PAK3: variants seen among roughly 807,000 people sequenced by gnomAD.
The protein encoded by PAK3 is serine/threonine-protein kinase PAK 3.
PAK3 carries 4 observed loss-of-function variants against 41.0 expected under a neutral mutation model. That is an observed-to-expected ratio of 0.10 (90% CI 0.05 to 0.22). PAK3 has a LOEUF of 0.22. Ranked by LOEUF, PAK3 falls within the 10% of genes least tolerant of loss-of-function variation. The pLI is 1.00. For synonymous variants in PAK3, 146 were observed against 139.6 expected, an observed-to-expected ratio of 1.05 and a Z score of -0.32; for missense variants, 205 against 409.9, an observed-to-expected ratio of 0.50 and a Z score of 4.32.
chrX:111,011,638 A>G (rs2092012658), intron 1 of PAK3, among the ~76,000 whole-genome samples: 1 of 112,397 alleles, frequency 8.9e-6, no homozygotes, highest in South Asian at 3.7e-4. Flanking sequence ...CATTGCCCTC[A>G]GTGAAACAAT....
chrX:111,219,590 G>A (rs964804148), intron 17 of PAK3, among the ~76,000 whole-genome samples: 1 of 111,263 alleles, frequency 9.0e-6, no homozygotes, highest in African/African-American at 3.3e-5. Flanking sequence ...AGAAAATCCC[G>A]TAGGAAATAT....
chrX:111,091,515 G>T (rs377390537), upstream of PAK3, among the ~76,000 whole-genome samples: 90 of 111,975 alleles, frequency 8.0e-4, no homozygotes, highest in African/African-American at 2.9e-3. Context: ...ATAGAACCTG[G>T]GTTTCCTGAT....
At chrX:110,958,941 T>G (rs1569496663) in intron 1 of PAK3, among the ~76,000 whole-genome samples, 1 of 112,212 alleles carries the variant, frequency 8.9e-6, no homozygotes, top group Non-Finnish European at 1.9e-5. Flanking sequence ...TGGATTATGC[T>G]TTTTTAAAAA....
At chrX:111,092,480 T>C (rs755196752), upstream of PAK3, among the ~76,000 whole-genome samples, 15 of 111,902 alleles carry the variant, frequency 1.3e-4, no homozygotes, top group African/African-American at 2.9e-4. Flanking sequence ...GGAGTATTAC[T>C]ATTTCAGTAC....
chrX:111,152,453 T>A lies in PAK3; in HGVS notation c.468+6T>A. 1 of 1,123,159 alleles carries A rather than the reference T, an allele frequency of 8.9e-7. No individual in the cohort carries two copies. Among genetic ancestry groups the A allele is most frequent in the Non-Finnish European group, 1.2e-6 (1 of 815,445 alleles). The allele number at this position is 1,123,159 out of a possible 1,213,427, so 92.6% of individuals were successfully genotyped here. A position where few individuals can be genotyped will look rare whatever the true frequency, so the allele number is the denominator to read the frequency against. ...ACATAGCAGCCCATCCTTCGGTAAG[T>A]GAAAAATTGAAAACTGTTTCACATG... On this transcript the variant is annotated splice_donor_region_variant and intron_variant, in intron 8 of 17. Coordinates refer to ENST00000372007, the MANE Select transcript of PAK3 (RefSeq NM_002578.5).
rs1275739344 is a variant in PAK3 at position 111,006,812 on chromosome X, C to CCTTTCTTTCTTTCTTTCTTTCTTT, written c.-28+62201_-28+62224dup. Among the ~76,000 whole-genome samples the CCTTTCTTTCTTTCTTTCTTTCTTT allele has an allele frequency of 8.5e-4, 47 of 54,988 alleles. 3 individuals are homozygous for CCTTTCTTTCTTTCTTTCTTTCTTT. Among genetic ancestry groups the CCTTTCTTTCTTTCTTTCTTTCTTT allele is most frequent in the East Asian group, 1.5e-3 (2 of 1,321 alleles). The allele number at this position is 54,988 out of a possible 115,157, so 47.8% of individuals were successfully genotyped here. On this transcript the variant is annotated intron_variant, in intron 1 of 14. Coordinates refer to the PAK3 transcript ENST00000425146. ...AGTGGGACCTGAGAATCTGCATTTC[C>CCTTTCTTTCTTTCTTTCTTTCTTT]CTTTCTTTCTTTCTTTCTTTCTTTC... is the stretch of plus-strand genomic sequence containing the variant.
chrX:111,145,048 TAC>T, intron 6 of PAK3: 1 of 393,785 alleles, frequency 2.5e-6, no homozygotes, highest in Non-Finnish European at 4.6e-6. Flanking sequence ...TGGTATCCTA[TAC>T]ACAGTCAGAC....
chrX:111,048,568 T>TTA (rs200619379), intron 1 of PAK3, among the ~76,000 whole-genome samples: 3,334 of 111,865 alleles, frequency 0.03, 116 homozygotes, highest in African/African-American at 0.1. Flanking sequence ...AGGCTTCCCC[T>TTA]TATAAGTAAA....
Position 111,129,660 on chromosome X carries a change from C to A in PAK3, c.175+6382C>A, listed in dbSNP as rs182998624. On this transcript the variant is annotated intron_variant, in intron 5 of 17. Transcript: ENST00000372007. Reference sequence around the variant, plus strand: ...CACAAATATGGTAGCCCCGTAAAACCAACAGACAGTCAAATGCAAGAGAAG... The same window carrying A: ...CACAAATATGGTAGCCCCGTAAAACAAACAGACAGTCAAATGCAAGAGAAG... Among the ~76,000 whole-genome samples the A allele has an allele frequency of 1.3e-4, 14 of 111,304 alleles. 1 individual carries two copies. In the East Asian group the frequency reaches 3.7e-3, roughly 29 times the overall value.
At chrX:111,173,996 G>C (rs1443222045) in intron 11 of PAK3, among the ~76,000 whole-genome samples, 1 of 111,410 alleles carries the variant, frequency 9.0e-6, no homozygotes, top group East Asian at 2.8e-4. Context: ...TGGCACCTCA[G>C]ACTTTTCCTG....
intron 5 of PAK3, among the ~76,000 whole-genome samples, chrX:111,139,467 AT>A (rs11442426): frequency 5.4e-5 from 6 of 111,365 alleles, no homozygotes; most frequent in African/African-American, 6.6e-5. Context: ...GAGGATCATA[AT>A]TTTTTTTCAT....
chrX:111,030,085 A>T (rs978124158), intron 1 of PAK3, among the ~76,000 whole-genome samples: 4 of 112,289 alleles, frequency 3.6e-5, no homozygotes, highest in African/African-American at 1.3e-4. Flanking sequence ...GGTGCCATGT[A>T]TGGTCTGTTT....
chrX:111,092,233 A>C (rs1255259128), upstream of PAK3, among the ~76,000 whole-genome samples: 1 of 111,948 alleles, frequency 8.9e-6, no homozygotes, highest in Non-Finnish European at 1.9e-5. Context: ...GATGTTTCTT[A>C]CAAGTAAAAT....
intron 1 of PAK3, among the ~76,000 whole-genome samples, chrX:111,010,611 T>C (rs1455941004): frequency 1.8e-5 from 2 of 110,785 alleles, no homozygotes; most frequent in Non-Finnish European, 3.8e-5. Context: ...TGTTTAAAAG[T>C]GTGCAGCACC....
intron 12 of PAK3, 34 bp from the exon 13 acceptor site, chrX:111,192,472 T>G (rs375907575): frequency 8.2e-6 from 6 of 734,118 alleles, no homozygotes; most frequent in Non-Finnish European, 1.3e-5. Flanking sequence ...TTATAATGAT[T>G]GTAATTCATT....
intron 3 of PAK3, chrX:111,098,844 C>A (rs1002532994): frequency 8.9e-6 from 1 of 111,960 alleles, no homozygotes; most frequent in South Asian, 3.7e-4. Context: ...TGTGTAAAAC[C>A]TTTACTTCGG....
intron 4 of PAK3, among the ~76,000 whole-genome samples, chrX:111,110,912 G>A (rs2093359356): frequency 8.9e-6 from 1 of 111,840 alleles, no homozygotes; most frequent in African/African-American, 3.3e-5. Context: ...CATTCACCTT[G>A]AAGCACTCTT....
chrX:111,178,028 T>C (rs1293901303), intron 11 of PAK3, among the ~76,000 whole-genome samples: 2 of 111,482 alleles, frequency 1.8e-5, no homozygotes, highest in Non-Finnish European at 3.8e-5. Context: ...GTGCCTACTA[T>C]GTGTAATGGA....
chrX:111,038,623 T>C (rs936213329), intron 1 of PAK3, among the ~76,000 whole-genome samples: 1 of 112,130 alleles, frequency 8.9e-6, no homozygotes, highest in Non-Finnish European at 1.9e-5. Context: ...AGAAGCCACA[T>C]TGCCCAGGTC....
Sources: gnomAD v4.1 joint callset for allele counts (sites outside exome capture counted in the v4.1 genomes callset) on GRCh38, gnomAD v4.1.1 for gene constraint, MANE v1.5 for transcripts, NCBI Gene and HGNC (gene_info 2026-07-23, HGNC 2026-07-21) for gene names.